GNAL: variants seen among roughly 807,000 people sequenced by gnomAD.
The protein encoded by GNAL is guanine nucleotide-binding protein G(olf) subunit alpha.
Under a neutral mutation model 55.1 loss-of-function variants are expected in GNAL, and 18 were observed. That is an observed-to-expected ratio of 0.33 (90% CI 0.23 to 0.48). The LOEUF (loss-of-function observed/expected upper bound fraction) is 0.48. Among genes scored for constraint, GNAL ranks in the 20% least tolerant of loss-of-function variants. GNAL has a pLI of 0.99. For synonymous variants in GNAL, 253 were observed against 237.0 expected, an observed-to-expected ratio of 1.07 and a Z score of -0.62; for missense variants, 412 against 614.1, an observed-to-expected ratio of 0.67 and a Z score of 3.48.
chr18:11,746,106 C>T, intron 1 of GNAL: 2 of 524,826 alleles, frequency 3.8e-6, no homozygotes, highest in South Asian at 2.9e-5. Flanking sequence ...CACGACTCCC[C>T]TTTTAAAAGT....
chr18:11,796,354 G>T (rs1424585609), intron 4 of GNAL, among the ~76,000 whole-genome samples: 1 of 151,536 alleles, frequency 6.6e-6, no homozygotes, highest in Non-Finnish European at 1.5e-5. Flanking sequence ...GAGGCGGGCG[G>T]ATCACGAGGT....
At chr18:11,769,891 A>G (rs1358695210) in intron 4 of GNAL, among the ~76,000 whole-genome samples, 5 of 152,214 alleles carry the variant, frequency 3.3e-5, no homozygotes, top group East Asian at 1.9e-4. Context: ...TCATGCACAA[A>G]ATACGTAAAT....
At chr18:11,691,843 C>G (rs903358070) in intron 1 of GNAL, among the ~76,000 whole-genome samples, 3 of 152,142 alleles carry the variant, frequency 2.0e-5, no homozygotes, top group Non-Finnish European at 4.4e-5. Context: ...GGTGGCGGGC[C>G]GCAGTGTGCT....
intron 5 of GNAL, chr18:11,851,505 T>A (rs762786184): frequency 1.3e-6 from 2 of 1,552,864 alleles, no homozygotes; most frequent in Non-Finnish European, 1.7e-6. Context: ...AAAGGAGCCG[T>A]CCGACTATGT....
chr18:11,719,412 T>C (rs2032044011), intron 1 of GNAL, among the ~76,000 whole-genome samples: 1 of 152,202 alleles, frequency 6.6e-6, no homozygotes, highest in South Asian at 2.1e-4. Flanking sequence ...CTAGTATTGC[T>C]GTATTTCAGC....
In GNAL at chr18:11,816,586, AC is replaced by A. The variant is rs538448471; in HGVS notation, c.625-8329del. On this transcript the variant is annotated intron_variant, in intron 4 of 11. Coordinates refer to ENST00000334049, the MANE Select transcript of GNAL (RefSeq NM_182978.4). ...TGGGATTATAGGCATGAGCCACCGT[AC>A]CCGGCCACTCTAATTTTTTTTAAAA... Among the ~76,000 whole-genome samples, 21 of 152,140 alleles carry A rather than the reference AC, an allele frequency of 1.4e-4. No homozygotes were observed. The South Asian group carries it at 3.5e-3, about 26-fold the overall frequency.
intron 4 of GNAL, among the ~76,000 whole-genome samples, chr18:11,770,789 A>C (rs927089595): frequency 1.3e-5 from 2 of 152,240 alleles, no homozygotes; most frequent in Non-Finnish European, 2.9e-5. Flanking sequence ...ATGAAGATAT[A>C]TCATTTTAAG....
At chr18:11,807,010 T>C (rs2034681064) in intron 4 of GNAL, among the ~76,000 whole-genome samples, 1 of 152,012 alleles carries the variant, frequency 6.6e-6, no homozygotes, top group African/African-American at 2.4e-5. Context: ...AATACAAAAA[T>C]TAGCCGGGCA....
chr18:11,844,580 A>G (rs758703367), intron 5 of GNAL, among the ~76,000 whole-genome samples: 1 of 152,246 alleles, frequency 6.6e-6, no homozygotes, highest in Non-Finnish European at 1.5e-5. Context: ...GGTCTAAGGC[A>G]GATCAATCAC....
chr18:11,857,581 G>A lies in GNAL; in HGVS notation c.723-4814G>A, dbSNP rs562248424. ...GGCAGAGATTAGAGCATAAAGCAGG[G>A]AGGTGGGGAAAGCCAAGAGGAACAC... On this transcript the variant is annotated intron_variant, in intron 5 of 11. Coordinates refer to ENST00000334049, the MANE Select transcript of GNAL (RefSeq NM_182978.4). 229 of 985,510 alleles carry A rather than the reference G, an allele frequency of 2.3e-4. No individual in the cohort carries two copies. In the African/African-American group the frequency reaches 3.7e-3, roughly 16 times the overall value. The allele number at this position is 985,510 out of a possible 1,614,324, so 61.0% of individuals were successfully genotyped here.
chr18:11,696,002 T>G (rs1380646598), intron 1 of GNAL, among the ~76,000 whole-genome samples: 3 of 152,128 alleles, frequency 2.0e-5, no homozygotes, highest in Non-Finnish European at 4.4e-5. Flanking sequence ...TTTGATGACT[T>G]TTTTCCCAAG....
intron 4 of GNAL, among the ~76,000 whole-genome samples, chr18:11,792,909 A>G (rs2143446776): frequency 6.6e-6 from 1 of 152,372 alleles, no homozygotes; most frequent in Middle Eastern, 3.4e-3. Flanking sequence ...TGGACTTGTT[A>G]TATTATTGAA....
chr18:11,815,546 A>G (rs2034933733), intron 4 of GNAL, among the ~76,000 whole-genome samples: 1 of 152,128 alleles, frequency 6.6e-6, no homozygotes, highest in African/African-American at 2.4e-5. Context: ...GCACTAAGTC[A>G]CCGAGGGGGA....
At chr18:11,781,077 T>G (rs1477484) in intron 4 of GNAL, among the ~76,000 whole-genome samples, 17,686 of 152,266 alleles carry the variant, frequency 0.12, 1,444 homozygotes, top group African/African-American at 0.23. Context: ...CAGTGAATGA[T>G]GATAGTGCTG....
intron 5 of GNAL, among the ~76,000 whole-genome samples, chr18:11,844,759 G>A (rs1236018332): frequency 6.6e-6 from 1 of 152,160 alleles, no homozygotes; most frequent in African/African-American, 2.4e-5. Flanking sequence ...ATGAACAGAA[G>A]GTGCTCCCCG....
chr18:11,764,097 CTGTTTTTT>C (rs575536691), intron 4 of GNAL, among the ~76,000 whole-genome samples: 556 of 152,008 alleles, frequency 3.7e-3, no homozygotes, highest in African/African-American at 0.012. Context: ...TACAAATATC[CTGTTTTTT>C]TGTTTTTTTG....
At chr18:11,782,684 A>G (rs1178496980) in intron 4 of GNAL, among the ~76,000 whole-genome samples, 3 of 152,150 alleles carry the variant, frequency 2.0e-5, no homozygotes, top group African/African-American at 7.2e-5. Context: ...TTAAACAAAA[A>G]AATAAGAAAA....
chr18:11,691,896 C>T (rs937371399), intron 1 of GNAL, among the ~76,000 whole-genome samples: 5 of 152,092 alleles, frequency 3.3e-5, no homozygotes, highest in Non-Finnish European at 7.3e-5. Flanking sequence ...AGAATCCCAG[C>T]GTTTTCAAGG....
At chr18:11,823,353 C>G (rs1011261252) in intron 4 of GNAL, among the ~76,000 whole-genome samples, 7 of 152,044 alleles carry the variant, frequency 4.6e-5, no homozygotes, top group African/African-American at 1.2e-4. Context: ...TTTTTGTCAA[C>G]TGGGAACCAT....
Sources: gnomAD v4.1 joint callset for allele counts (sites outside exome capture counted in the v4.1 genomes callset) on GRCh38, gnomAD v4.1.1 for gene constraint, MANE v1.5 for transcripts, NCBI Gene and HGNC (gene_info 2026-07-23, HGNC 2026-07-21) for gene names.